The following EFHB variants were observed in gnomAD, a reference collection of about 807,000 sequenced individuals.
EFHB encodes the protein EF-hand domain-containing family member B.
In EFHB, 91 loss-of-function variants were observed where a neutral mutation model predicts 87.2. The observed-to-expected ratio is 1.04, with a 90% CI of 0.88 to 1.24. EFHB has a LOEUF of 1.24. EFHB is among the 50% of genes most tolerant of loss of function. EFHB has a pLI of 0.00. For synonymous variants in EFHB, 325 were observed against 333.6 expected (o/e 0.97, Z 0.28); for missense variants, 1,084 against 998.8 (o/e 1.09, Z -1.15).
upstream of EFHB, chr3:19,934,247 G>A: frequency 7.0e-7 from 1 of 1,421,436 alleles, no homozygotes; most frequent in Non-Finnish European, 9.1e-7. Flanking sequence ...AAACAGGGGC[G>A]GGGCTTGGCG....
chr3:19,880,621 T>C (rs1388240098), intron 12 of EFHB, among the ~76,000 whole-genome samples: 2 of 152,186 alleles, frequency 1.3e-5, no homozygotes, highest in Admixed American at 1.3e-4. Flanking sequence ...ACTTTAACTA[T>C]GTGTGCAAAT....
chr3:19,890,741 G>A lies in EFHB; in HGVS notation c.1726-2090C>T, dbSNP rs1265008896. Among the ~76,000 whole-genome samples the A allele has an allele frequency of 2.0e-5, 3 of 152,098 alleles. No homozygotes were observed. The East Asian group carries it at 5.8e-4, about 29-fold the overall frequency. ...CAATTAGAGCCTCTGGAAAAGAAAG[G>A]CAACCTTCACTTGGAGGTGCACCGT... is the stretch of plus-strand genomic sequence containing the variant. On this transcript the variant is annotated intron_variant, in intron 9 of 12. Coordinates refer to ENST00000295824, the MANE Select transcript of EFHB (RefSeq NM_144715.4).
upstream of EFHB, among the ~76,000 whole-genome samples, chr3:19,934,678 T>C (rs1695967230): frequency 6.6e-6 from 1 of 152,100 alleles, no homozygotes; most frequent in South Asian, 2.1e-4. Context: ...GGCTTCTTCC[T>C]GGCCATTGGC....
intron 1 of EFHB, among the ~76,000 whole-genome samples, chr3:19,927,352 C>A (rs1227208488): frequency 6.6e-6 from 1 of 152,206 alleles, no homozygotes; most frequent in Non-Finnish European, 1.5e-5. Flanking sequence ...CCTCCTTTCA[C>A]AAGAATCTTT....
chr3:19,936,389 C>A, upstream of EFHB: 3 of 495,122 alleles, frequency 6.1e-6, no homozygotes, highest in South Asian at 6.3e-5. Context: ...CACAGTGAGA[C>A]CTATCCCTAC....
intron 3 of EFHB, 61 bp from the exon 4 acceptor site, chr3:19,918,473 A>T (rs1429906343): frequency 1.4e-6 from 2 of 1,430,696 alleles, no homozygotes. Context: ...TGAAAATAGA[A>T]ACCCTAATCA....
In EFHB at chr3:19,923,989, T is replaced by C. The variant is rs567915252; in HGVS notation, c.790-3422A>G. On this transcript the variant is annotated intron_variant, in intron 1 of 12. Coordinates refer to ENST00000295824, the MANE Select transcript of EFHB (RefSeq NM_144715.4). ...GCCCATGCCTATCATCCCAGCACTT[T>C]GGGAGGCTGAGGCAGGAGGACTGCT... 2.6e-4 allele frequency among the ~76,000 whole-genome samples: 39 copies of C among 152,210 alleles called. 1 individual carries two copies. The South Asian group carries it at 7.9e-3, about 31-fold the overall frequency.
chr3:19,892,846 A>T (rs1694346682), intron 9 of EFHB, among the ~76,000 whole-genome samples: 1 of 98,616 alleles, frequency 1.0e-5, no homozygotes, highest in Non-Finnish European at 2.1e-5. Context: ...CAGAGTGAGA[A>T]TCTCATCTCT....
At chr3:19,927,557 G>T (rs1695674422) in intron 1 of EFHB, among the ~76,000 whole-genome samples, 1 of 152,172 alleles carries the variant, frequency 6.6e-6, no homozygotes, top group South Asian at 2.1e-4. Context: ...ACCATAGGAT[G>T]AGTATTCCTG....
At position 19,915,109 on chromosome 3, in the gene EFHB, AT is replaced by A. The variant is rs1202939802; in HGVS notation, c.1288+193del. Among the ~76,000 whole-genome samples, 7 of 152,010 alleles carry A rather than the reference AT, an allele frequency of 4.6e-5. No homozygotes were observed. The East Asian group carries it at 1.2e-3, about 25-fold the overall frequency. On this transcript the variant is annotated intron_variant, in intron 5 of 12. Coordinates refer to ENST00000295824, the MANE Select transcript of EFHB (RefSeq NM_144715.4). ...GTCTAAAAAAAAAAATTTAAATAAA[AT>A]TTTTTTAAAAACCGTAAGTATATGC... is the stretch of plus-strand genomic sequence containing the variant.
intron 10 of EFHB, 130 bp downstream of exon 10, chr3:19,888,313 AC>A: frequency 2.8e-6 from 1 of 355,668 alleles, no homozygotes. Flanking sequence ...AATCCCTTGA[AC>A]CCAGGAGTTC....
At chr3:19,941,302 T>C (rs1696151947) in intron 1 of EFHB, 1 of 224,294 alleles carries the variant, frequency 4.5e-6, no homozygotes, top group South Asian at 8.0e-5. Context: ...GGTATAGACA[T>C]TGATTCATTC....
intron 9 of EFHB, among the ~76,000 whole-genome samples, chr3:19,890,718 A>T (rs1006091484): frequency 6.6e-6 from 1 of 152,158 alleles, no homozygotes; most frequent in East Asian, 1.9e-4. Context: ...GGTTTTGCCA[A>T]TTAGAGCCTC....
At chr3:19,910,117 A>G (rs964201134) in intron 5 of EFHB, among the ~76,000 whole-genome samples, 4 of 151,978 alleles carry the variant, frequency 2.6e-5, no homozygotes, top group African/African-American at 7.3e-5. Flanking sequence ...CTTGGGTACC[A>G]GCATGGCCAC....
chr3:19,911,844 C>A (rs543242061), intron 5 of EFHB, among the ~76,000 whole-genome samples: 2 of 152,084 alleles, frequency 1.3e-5, no homozygotes, highest in Non-Finnish European at 2.9e-5. Flanking sequence ...AGCATGGTGG[C>A]TCACATTTGT....
intron 1 of EFHB, among the ~76,000 whole-genome samples, chr3:19,930,517 C>T (rs1695792285): frequency 6.6e-6 from 1 of 152,208 alleles, no homozygotes. Context: ...AACCCATTCG[C>T]TCTTCAGTAT....
chr3:19,946,543 G>A lies in EFHB; in HGVS notation c.-32+376C>T, dbSNP rs149382009. On this transcript the variant is annotated intron_variant, in intron 1 of 14. Coordinates refer to the EFHB transcript ENST00000344838. The stretch of plus-strand genomic sequence containing the variant: ...ACCAAAACCACGTAAACTCTTAACA[G>A]AAGCGACTTCTTATTGTCAGGCGCC... Among the ~76,000 whole-genome samples the A allele has an allele frequency of 3.3e-5, 5 of 152,332 alleles. No individual in the cohort carries two copies. The East Asian group carries it at 7.7e-4, about 24-fold the overall frequency.
chr3:19,880,315 T>C (rs927774004), intron 12 of EFHB, among the ~76,000 whole-genome samples: 1 of 152,024 alleles, frequency 6.6e-6, no homozygotes, highest in African/African-American at 2.4e-5. Context: ...AGTGGTGTGA[T>C]CTTGGCTCAC....
At chr3:19,933,030 CTGACATCTAGGAAGGGAGGCAGA>C (rs1695881377) in intron 1 of EFHB, among the ~76,000 whole-genome samples, 177 bp downstream of exon 1, 2 of 152,168 alleles carry the variant, frequency 1.3e-5, no homozygotes, top group Admixed American at 6.5e-5. Context: ...GAAAACAAAG[CTGACATCTAGGAAGGGAGGCAGA>C]GAATCAGAAA....
Sources: gnomAD v4.1 joint callset for allele counts (sites outside exome capture counted in the v4.1 genomes callset) on GRCh38, gnomAD v4.1.1 for gene constraint, MANE v1.5 for transcripts, NCBI Gene and HGNC (gene_info 2026-07-23, HGNC 2026-07-21) for gene names.